Variants in SMIM27 observed in about 807,000 individuals in gnomAD.
SMIM27 encodes the protein transition zone microprotein 1.
In SMIM27, 3 loss-of-function variants were observed where a neutral mutation model predicts 1.8. The observed-to-expected ratio is 1.65, with a 90% CI of 0.75 to 4.28. SMIM27 has a LOEUF of 4.28. Among genes scored for constraint, SMIM27 ranks in the 30% most tolerant of loss-of-function variants. SMIM27 has a pLI of 0.02. For synonymous variants in SMIM27, 19 were observed against 13.9 expected (o/e 1.37, Z -0.82); for missense variants, 63 against 37.0 (o/e 1.70, Z -1.83).
intron 1 of SMIM27, among the ~76,000 whole-genome samples, chr9:32,558,634 C>CA (rs1481125585): frequency 6.6e-6 from 1 of 152,212 alleles, no homozygotes; most frequent in South Asian, 2.1e-4. Flanking sequence ...TTGGTACTTT[C>CA]AACTCCCTTT....
At chr9:32,551,169 G>C, upstream of SMIM27, 1 of 657,342 alleles carries the variant, frequency 1.5e-6, no homozygotes, top group East Asian at 2.7e-5. Context: ...CCCGGAGGAG[G>C]GCAGCGCGAC....
chr9:32,551,584 T>C (rs150929101), upstream of SMIM27: 458 of 253,150 alleles, frequency 1.8e-3, 1 homozygote, highest in Middle Eastern at 7.1e-3. Flanking sequence ...AAAACTCTTT[T>C]AAGATAACTG....
intron 1 of SMIM27, chr9:32,566,221 C>T (rs1272955594): frequency 1.2e-6 from 1 of 856,652 alleles, no homozygotes; most frequent in Non-Finnish European, 2.0e-6. Flanking sequence ...CAGGTCATAG[C>T]TGGTTTTGTG....
chr9:32,552,023 T>A (rs944192193), upstream of SMIM27, among the ~76,000 whole-genome samples: 33 of 152,102 alleles, frequency 2.2e-4, no homozygotes, highest in African/African-American at 8.0e-4. Context: ...AAGCGTTAAT[T>A]CTTCCAGCTT....
At chr9:32,557,232 T>A (rs1392521201), downstream of SMIM27, among the ~76,000 whole-genome samples, 2 of 145,328 alleles carry the variant, frequency 1.4e-5, no homozygotes, top group African/African-American at 5.2e-5. Context: ...TGGCGCAAAC[T>A]CCGCACACTG....
intron 1 of SMIM27, chr9:32,558,925 CTTCTT>C (rs776508109): frequency 2.1e-5 from 34 of 1,583,784 alleles, no homozygotes; most frequent in African/African-American, 1.1e-4. Context: ...ATATTCTGGA[CTTCTT>C]TTCAACTATG....
At chr9:32,556,090 C>T (rs1563991070), downstream of SMIM27, among the ~76,000 whole-genome samples, 2 of 151,904 alleles carry the variant, frequency 1.3e-5, no homozygotes, top group Non-Finnish European at 2.9e-5. Flanking sequence ...GATTTGGGGC[C>T]GGGGTGCAAT....
downstream of SMIM27, among the ~76,000 whole-genome samples, chr9:32,554,604 C>T (rs1821404501): frequency 1.3e-5 from 2 of 152,198 alleles, no homozygotes; most frequent in African/African-American, 4.8e-5. Flanking sequence ...AGAATTGTCC[C>T]CATACCCACC....
intron 1 of SMIM27, chr9:32,565,754 C>G (rs1821765508): frequency 6.5e-6 from 1 of 154,046 alleles, no homozygotes; most frequent in Non-Finnish European, 1.4e-5. Flanking sequence ...GGTGGATCAC[C>G]TGAGGTCAGG....
intron 1 of SMIM27, among the ~76,000 whole-genome samples, chr9:32,563,140 C>T (rs1171278817): frequency 6.6e-6 from 1 of 152,082 alleles, no homozygotes; most frequent in Non-Finnish European, 1.5e-5. Flanking sequence ...AAAAGTAATG[C>T]TGTGTTCTTA....
At chr9:32,564,937 C>T (rs1029264957) in intron 1 of SMIM27, among the ~76,000 whole-genome samples, 3 of 152,136 alleles carry the variant, frequency 2.0e-5, no homozygotes, top group Admixed American at 6.5e-5. Flanking sequence ...TCATGTGGTT[C>T]GACATAATAG....
At chr9:32,554,033 T>C (rs1317304960), downstream of SMIM27, 14 of 788,126 alleles carry the variant, frequency 1.8e-5, no homozygotes, top group Admixed American at 1.6e-4. Flanking sequence ...AGATCTCACA[T>C]GGAAAATGTA....
At chr9:32,559,287 AT>A (rs1821561828) in intron 1 of SMIM27, among the ~76,000 whole-genome samples, 2 of 152,290 alleles carry the variant, frequency 1.3e-5, no homozygotes, top group East Asian at 3.9e-4. Context: ...TATACCCTGA[AT>A]CCAACTGGTT....
chr9:32,564,764 G>A (rs1821730818), intron 1 of SMIM27, among the ~76,000 whole-genome samples: 1 of 152,146 alleles, frequency 6.6e-6, no homozygotes, highest in South Asian at 2.1e-4. Context: ...AGCAGGAGCA[G>A]GGTTCAGCTG....
chr9:32,556,701 T>G (rs1255635504), downstream of SMIM27, among the ~76,000 whole-genome samples: 1 of 152,104 alleles, frequency 6.6e-6, no homozygotes, highest in African/African-American at 2.4e-5. Context: ...CAAAATAAAT[T>G]AACATTTAAA....
At chr9:32,563,331 T>G (rs1821681962) in intron 1 of SMIM27, among the ~76,000 whole-genome samples, 1 of 152,132 alleles carries the variant, frequency 6.6e-6, no homozygotes, top group African/African-American at 2.4e-5. Flanking sequence ...ATCCTCTTTT[T>G]TTTTTAATTT....
At chr9:32,553,594 G>A (rs1821366577), downstream of SMIM27, 1 of 369,612 alleles carries the variant, frequency 2.7e-6, no homozygotes. Context: ...TGTAAGTACT[G>A]TGTAAGAAAA....
Position 32,552,883 on chromosome 9 carries a change from AAT to A in SMIM27, c.130_131del (p.Tyr44ProfsTer9). The A allele has an allele frequency of 1.4e-6, 1 of 702,714 alleles. No homozygotes were observed. Among genetic ancestry groups the A allele is most frequent in the South Asian group, 1.5e-5 (1 of 67,568 alleles). 43.5% of individuals were successfully genotyped at this position (702,714 alleles called of 1,614,324 possible). On this transcript the variant is annotated frameshift_variant, in exon 2 of 2. Transcript: ENST00000692500. LOFTEE classifies it high-confidence loss of function. ...TCTGCAAGACGACAGCTAAGGAAGA[AAT>A]ACCCAGACAAAATCTTTGGGACGAA...
exon 2 of SMIM27, chr9:32,566,839 C>T: frequency 1.1e-6 from 1 of 871,978 alleles, no homozygotes; most frequent in South Asian, 1.4e-5. Context: ...CTGCTCATCA[C>T]ACAGTAGCTG....
Sources: gnomAD v4.1 joint callset for allele counts (sites outside exome capture counted in the v4.1 genomes callset) on GRCh38, gnomAD v4.1.1 for gene constraint, MANE v1.5 for transcripts, NCBI Gene and HGNC (gene_info 2026-07-23, HGNC 2026-07-21) for gene names.